The following SCAPER variants were observed in gnomAD, a reference collection of about 807,000 sequenced individuals.
The protein encoded by SCAPER is S-phase cyclin A associated protein in the ER, also known as S phase cyclin A-associated protein in the endoplasmic reticulum.
Under a neutral mutation model 182.2 loss-of-function variants are expected in SCAPER, and 98 were observed. The ratio of observed to expected loss-of-function variants is 0.54; its 90% CI spans 0.46 to 0.64. The LOEUF (loss-of-function observed/expected upper bound fraction) is 0.64. SCAPER is among the 30% of genes least tolerant of loss of function. The pLI is 0.00. For missense variants in SCAPER, 1,432 were observed against 1,690.0 expected (o/e 0.85, Z 2.68); for synonymous variants, 605 against 564.6 (o/e 1.07, Z -1.01).
chr15:76,707,308 G>A (rs916235590), intron 17 of SCAPER, among the ~76,000 whole-genome samples: 1 of 151,784 alleles, frequency 6.6e-6, no homozygotes, highest in Non-Finnish European at 1.5e-5. Context: ...AATGAGAATC[G>A]ACTAAACATT....
At chr15:76,777,923 G>C (rs2063842215) in intron 8 of SCAPER, among the ~76,000 whole-genome samples, 2 of 152,074 alleles carry the variant, frequency 1.3e-5, no homozygotes, top group Admixed American at 1.3e-4. Context: ...AATATGCTGA[G>C]AACACTAAGA....
rs1215398397 is a variant in SCAPER at position 76,603,670 on chromosome 15, CT to C, written c.2711+18093del. ...TCACAGTGTAAAAGTGTTCCTATTT[CT>C]CCACATCCTCTCCAGCACCTGTTGT... On this transcript the variant is annotated intron_variant, in intron 22 of 31. Coordinates refer to ENST00000563290, the MANE Select transcript of SCAPER (RefSeq NM_020843.4). Among the ~76,000 whole-genome samples, 11 of 121,372 alleles carry C rather than the reference CT, an allele frequency of 9.1e-5. 4 individuals are homozygous for C. The Admixed American group carries it at 1.0e-3, about 11-fold the overall frequency. The allele number at this position is 121,372 out of a possible 152,430, so 79.6% of individuals were successfully genotyped here.
intron 21 of SCAPER, among the ~76,000 whole-genome samples, chr15:76,640,885 G>A (rs191517450): frequency 6.6e-6 from 1 of 152,306 alleles, no homozygotes; most frequent in African/African-American, 2.4e-5. Context: ...CCTATGAATG[G>A]ACGTGCAGTC....
At chr15:76,852,429 C>A (rs1192823244) in intron 4 of SCAPER, among the ~76,000 whole-genome samples, 1 of 152,152 alleles carries the variant, frequency 6.6e-6, no homozygotes, top group African/African-American at 2.4e-5. Context: ...AAATCAACCT[C>A]ATAATTGGAC....
rs553897401 is a variant in SCAPER at position 76,728,957 on chromosome 15, T to G, written c.2023-220A>C. Among the ~76,000 whole-genome samples the G allele has an allele frequency of 1.6e-4, 24 of 152,290 alleles. No individual in the cohort carries two copies. The East Asian group carries it at 4.4e-3, about 28-fold the overall frequency. Reference sequence around the variant, plus strand: ...GTGTTACACATAATTCAGTAAAGACTTGCTTTTTTATACAAACACTGTGTT... The same window carrying G: ...GTGTTACACATAATTCAGTAAAGACGTGCTTTTTTATACAAACACTGTGTT... On this transcript the variant is annotated intron_variant, in intron 16 of 31. Coordinates refer to ENST00000563290, the MANE Select transcript of SCAPER (RefSeq NM_020843.4).
intron 2 of SCAPER, among the ~76,000 whole-genome samples, chr15:76,862,986 C>A (rs2071998250): frequency 1.3e-5 from 2 of 152,174 alleles, no homozygotes; most frequent in South Asian, 4.1e-4. Flanking sequence ...TTTTTAGCTA[C>A]ATAATTTTAT....
intron 24 of SCAPER, among the ~76,000 whole-genome samples, chr15:76,482,460 A>T (rs1433436760): frequency 6.6e-6 from 1 of 152,172 alleles, no homozygotes; most frequent in Non-Finnish European, 1.5e-5. Flanking sequence ...TCCCCCCAAG[A>T]TTGGGGACAA....
chr15:76,585,280 T>C (rs2048558844), intron 22 of SCAPER, among the ~76,000 whole-genome samples: 1 of 152,150 alleles, frequency 6.6e-6, no homozygotes, highest in Admixed American at 6.5e-5. Context: ...TTATTACTGT[T>C]CACTGATAGT....
At chr15:76,548,903 A>C (rs1046945114) in intron 23 of SCAPER, among the ~76,000 whole-genome samples, 1 of 152,236 alleles carries the variant, frequency 6.6e-6, no homozygotes, top group African/African-American at 2.4e-5. Context: ...TTCATGTCTA[A>C]AACACCAAAA....
intron 5 of SCAPER, among the ~76,000 whole-genome samples, chr15:76,817,136 T>C (rs2067152757): frequency 1.3e-5 from 2 of 152,258 alleles, no homozygotes; most frequent in African/African-American, 2.4e-5. Flanking sequence ...ACAAGAATCT[T>C]TCTGGTCCAT....
At chr15:76,415,610 A>G (rs2045593390) in intron 26 of SCAPER, among the ~76,000 whole-genome samples, 1 of 152,256 alleles carries the variant, frequency 6.6e-6, no homozygotes, top group Admixed American at 6.5e-5. Context: ...TTGCATAAAA[A>G]TAACAATTGG....
At chr15:76,617,695 C>A (rs1469492495) in intron 22 of SCAPER, among the ~76,000 whole-genome samples, 1 of 152,112 alleles carries the variant, frequency 6.6e-6, no homozygotes, top group African/African-American at 2.4e-5. Context: ...AGGGCGAGAA[C>A]AGAAACCATA....
rs143340660 is a variant in SCAPER, at chr15:76,548,101, T to G, written c.2838+26057A>C. Among the ~76,000 whole-genome samples, 484 of 81,490 alleles carry G rather than the reference T, an allele frequency of 5.9e-3. 5 individuals are homozygous for G. The highest frequency in any genetic ancestry group is 0.019 in the African/African-American group (462 of 23,826). 53.5% of individuals were successfully genotyped at this position (81,490 alleles called of 152,430 possible). ...ATTTTATTCATAAAATCTTATTTCTTTTAGCCCTTTTCCCGTTCAGAAAAA... is the reference window on the plus strand; with the variant it reads ...ATTTTATTCATAAAATCTTATTTCTGTTAGCCCTTTTCCCGTTCAGAAAAA... On this transcript the variant is annotated intron_variant, in intron 23 of 31. Transcript: ENST00000563290.
At chr15:76,420,776 C>G (rs12592420) in intron 26 of SCAPER, among the ~76,000 whole-genome samples, 35,644 of 152,038 alleles carry the variant, frequency 0.23, 5,106 homozygotes, top group Admixed American at 0.36. Context: ...CACGCTCCCC[C>G]CACCCCATGA....
intron 27 of SCAPER, among the ~76,000 whole-genome samples, chr15:76,384,227 G>C (rs1453441810): frequency 6.6e-6 from 1 of 152,218 alleles, no homozygotes; most frequent in African/African-American, 2.4e-5. Context: ...TTGAGGATGA[G>C]TGACATCACT....
chr15:76,888,519 C>T (rs746058837), intron 1 of SCAPER, among the ~76,000 whole-genome samples: 25 of 152,020 alleles, frequency 1.6e-4, no homozygotes, highest in Non-Finnish European at 2.8e-4. Context: ...AAGAGAACTT[C>T]GTGACGCATG....
chr15:76,660,898 CA>C (rs549792573), intron 21 of SCAPER, among the ~76,000 whole-genome samples: 85 of 143,836 alleles, frequency 5.9e-4, no homozygotes, highest in South Asian at 2.2e-3. Flanking sequence ...GGTTAATACG[CA>C]AAAAAAAAAC....
At chr15:76,805,143 T>G (rs569131570) in intron 5 of SCAPER, among the ~76,000 whole-genome samples, 2 of 152,358 alleles carry the variant, frequency 1.3e-5, no homozygotes, top group East Asian at 3.9e-4. Context: ...AATGACTGCA[T>G]GAATATAGTA....
intron 29 of SCAPER, among the ~76,000 whole-genome samples, chr15:76,355,831 T>A (rs1262135933): frequency 6.6e-6 from 1 of 152,226 alleles, no homozygotes; most frequent in African/African-American, 2.4e-5. Context: ...GAGCTAGTTA[T>A]CAGCTGCCGT....
Sources: gnomAD v4.1 joint callset for allele counts (sites outside exome capture counted in the v4.1 genomes callset) on GRCh38, gnomAD v4.1.1 for gene constraint, MANE v1.5 for transcripts, NCBI Gene and HGNC (gene_info 2026-07-23, HGNC 2026-07-21) for gene names.